DNAJC19: variants seen among roughly 807,000 people sequenced by gnomAD.
DNAJC19 encodes the protein mitochondrial import inner membrane translocase subunit TIM14.
A neutral mutation model predicts 19.8 loss-of-function variants in DNAJC19; 15 were observed. The observed-to-expected ratio is 0.76, with a 90% confidence interval of 0.51 to 1.17. The LOEUF (loss-of-function observed/expected upper bound fraction) is 1.17, where lower values mean the gene tolerates loss of function less well. DNAJC19 is among the 50% of genes most tolerant of loss of function. The probability of loss-of-function intolerance (pLI) is 0.00; values close to 1 mark genes in which losing one functional copy is unlikely to be tolerated. For synonymous variants in DNAJC19, 38 were observed against 42.1 expected, an observed-to-expected ratio of 0.90 and a Z score of 0.38; for missense variants, 105 against 140.9, an observed-to-expected ratio of 0.75 and a Z score of 1.29.
chr3:180,985,949 A>G lies in DNAJC19; in HGVS notation c.257T>C (p.Met86Thr), dbSNP rs372539733. ...GKIRDAHRRI[M>T]LLNHPDKGGS... is the part of the protein sequence containing the mutation. Reference sequence around the variant, plus strand: ...ACCTTTGTCAGGATGATTTAAAAGCATAATTCGTCGATGAGCATCTCTTAT... The same window carrying G: ...ACCTTTGTCAGGATGATTTAAAAGCGTAATTCGTCGATGAGCATCTCTTAT... Residue 86 changes from methionine to threonine, a missense_variant, in exon 5 of 6, where the codon ATG becomes ACG. Met to Thr is a moderately conservative substitution (Grantham distance 81). Transcript: ENST00000382564. The G allele has an allele frequency of 3.1e-6, 5 of 1,613,610 alleles. No homozygotes were observed. The highest frequency in any genetic ancestry group is 1.3e-5 in the African/African-American group (1 of 74,928).
Position 180,988,090 on chromosome 3 carries a change from T to A in DNAJC19, c.62A>T (p.Tyr21Phe), listed in dbSNP as rs752913622. The A allele has an allele frequency of 3.7e-6, 6 of 1,614,198 alleles. No homozygotes were observed. Among genetic ancestry groups the A allele is most frequent in the Non-Finnish European group, 5.1e-6 (6 of 1,180,034 alleles). ...TIAAAGFAGR[Y>F]VLQAMKHMEP... ...CATATGCTTCATGGCTTGCAAAACGTAACGGCCTAAAACCAAAAGCAACAG... is the reference window on the plus strand; with the variant it reads ...CATATGCTTCATGGCTTGCAAAACGAAACGGCCTAAAACCAAAAGCAACAG... The change falls in exon 3 of 6, where the codon TAC becomes TTC. Residue 21 changes from tyrosine (Y) to phenylalanine (F), a missense_variant. Physicochemically the swap from Tyr to Phe is conservative, Grantham distance 22. Transcript: ENST00000382564.
Position 180,989,634 on chromosome 3 carries a change from GA to G in DNAJC19, c.-33del. 1 of 1,584,500 alleles carries G rather than the reference GA, an allele frequency of 6.3e-7. No homozygotes were observed. The highest frequency in any genetic ancestry group is 8.6e-7 in the Non-Finnish European group (1 of 1,166,020). On this transcript the variant is annotated 5_prime_UTR_variant, in exon 1 of 6. Transcript: ENST00000382564. ...GGCTGGGCTCCCTTGCTTCCACCGG[GA>G]GCACGGCTCATCCCAGCTCAGAGGC...
At chr3:180,985,358 C>A in intron 5 of DNAJC19, 1 of 154,348 alleles carries the variant, frequency 6.5e-6, no homozygotes, top group Non-Finnish European at 1.4e-5. Context: ...ATAAAACAAG[C>A]TAAATTTCAT....
In DNAJC19 at chr3:180,986,960, T is replaced by C. The variant is rs1473896211; in HGVS notation, c.192A>G (p.Ala64=). Residue 64 remains alanine, a synonymous_variant, in exon 4 of 6, where the codon GCA becomes GCG. Transcript: ENST00000382564. ...TATTTTACCTTACACCTAGTATTAA[T>C]GCTGCTTCCCGTTTTGTCATTTTGG... The part of the protein sequence containing the change: ...FEPKMTKREA[A]LILGVSPTAN... 1.9e-6 allele frequency: 3 copies of C among 1,613,890 alleles called. No homozygotes were observed. Among genetic ancestry groups the C allele is most frequent in the East Asian group, 4.5e-5 (2 of 44,836 alleles).
chr3:180,988,793 G>C (rs541554924), intron 1 of DNAJC19, among the ~76,000 whole-genome samples: 4 of 151,332 alleles, frequency 2.6e-5, no homozygotes, highest in Non-Finnish European at 4.4e-5. Flanking sequence ...ACTAGGTCGG[G>C]AGATCGAGAC....
chr3:180,987,063 TA>T (rs1560039891), intron 3 of DNAJC19, 41 bp from the exon 4 acceptor site: 1 of 1,572,544 alleles, frequency 6.4e-7, no homozygotes, highest in Non-Finnish European at 8.8e-7. Context: ...GTTAATAAAA[TA>T]AAGTTGCTTT....
At chr3:180,985,848 G>A in intron 5 of DNAJC19, 78 bp downstream of exon 5, 2 of 1,257,936 alleles carry the variant, frequency 1.6e-6, no homozygotes, top group Non-Finnish European at 2.3e-6. Flanking sequence ...CTAATAGCCA[G>A]GAATTTGAGA....
At position 180,984,696 on chromosome 3, in the gene DNAJC19, T is replaced by C. The variant is rs762783413; in HGVS notation, c.295A>G (p.Ile99Val). Residue 99 changes from isoleucine to valine, a missense_variant, in exon 6 of 6, where the codon ATA (isoleucine) becomes GTA (valine). Coordinates refer to ENST00000382564, the MANE Select transcript of DNAJC19 (RefSeq NM_145261.4). ...NHPDKGGSPY[I>V]AAKINEAKDL... ...TTAGCTTCATTGATTTTGGCTGCTA[T>C]ATAAGGAGATCCTCCTATAGGAAGA... The C allele has an allele frequency of 9.3e-6, 15 of 1,607,270 alleles. No homozygotes were observed. The highest frequency in any genetic ancestry group is 6.7e-5 in the Admixed American group (4 of 59,666).
intron 3 of DNAJC19, chr3:180,987,583 T>C (rs770258018): frequency 1.3e-4 from 35 of 278,972 alleles, no homozygotes; most frequent in Non-Finnish European, 2.1e-4. Flanking sequence ...ACAGAGAGTA[T>C]GACCATAACA....
intron 3 of DNAJC19, 160 bp from the exon 4 acceptor site, chr3:180,987,182 A>T (rs1286564509): frequency 3.0e-6 from 2 of 667,418 alleles, no homozygotes; most frequent in African/African-American, 1.8e-5. Context: ...TAAAGTTTAT[A>T]AATAAGTAGC....
rs778458067 is a variant in DNAJC19 at position 180,985,949 on chromosome 3, A to AT, written c.256dup (p.Met86AsnfsTer7). 1 of 1,613,728 alleles carries AT rather than the reference A, an allele frequency of 6.2e-7. No homozygotes were observed. Among genetic ancestry groups the AT allele is most frequent in the Non-Finnish European group, 8.5e-7 (1 of 1,179,862 alleles). ...ACCTTTGTCAGGATGATTTAAAAGC[A>AT]TAATTCGTCGATGAGCATCTCTTAT... On this transcript the variant is annotated frameshift_variant, in exon 5 of 6. Coordinates refer to ENST00000382564, the MANE Select transcript of DNAJC19 (RefSeq NM_145261.4). LOFTEE classifies it high-confidence loss of function.
At chr3:180,984,731 G>C (rs1303458975) in intron 5 of DNAJC19, 21 bp from the exon 6 acceptor site, 2 of 1,554,110 alleles carry the variant, frequency 1.3e-6, no homozygotes, top group African/African-American at 1.4e-5. Context: ...AAAGAAAAAA[G>C]AACAGTTACA....
Position 180,986,740 on chromosome 3 carries a change from C to T in DNAJC19, c.209+203G>A, listed in dbSNP as rs1456016993. On this transcript the variant is annotated intron_variant, in intron 4 of 5. Transcript: ENST00000382564. Reference sequence around the variant, plus strand: ...GAAAAAGTGCTTAAGTGCTAGTGTGCCTTCTCATTTGAAGGATTGTTTACA... The same window carrying T: ...GAAAAAGTGCTTAAGTGCTAGTGTGTCTTCTCATTTGAAGGATTGTTTACA... 3 of 575,026 alleles carry T rather than the reference C, an allele frequency of 5.2e-6. No individual in the cohort carries two copies. The East Asian group carries it at 8.6e-5, about 17-fold the overall frequency. 35.6% of individuals were successfully genotyped at this position (575,026 alleles called of 1,614,324 possible).
chr3:180,987,228 AT>A (rs1420433483), intron 3 of DNAJC19: 9 of 587,086 alleles, frequency 1.5e-5, no homozygotes, highest in Admixed American at 3.0e-5. Context: ...AAACAGATTC[AT>A]TTTTTTCCAG....
chr3:180,988,683 T>C (rs1412476218), intron 1 of DNAJC19, among the ~76,000 whole-genome samples: 1 of 151,858 alleles, frequency 6.6e-6, no homozygotes, highest in Non-Finnish European at 1.5e-5. Context: ...ACCAGACAAA[T>C]TAAGTCACAT....
In DNAJC19 at chr3:180,984,333, G is replaced by C; in HGVS notation, c.*307C>G. The C allele has an allele frequency of 2.1e-6, 1 of 466,726 alleles. No individual in the cohort carries two copies. The highest frequency in any genetic ancestry group is 4.3e-6 in the Non-Finnish European group (1 of 235,080). The allele number at this position is 466,726 out of a possible 1,614,324, so 28.9% of individuals were successfully genotyped here. ...TCCCATTAAAGTGGGGGCTCCCTGAGAGCAAGGACTGTCATCTTCACTTTG... is the reference window on the plus strand; with the variant it reads ...TCCCATTAAAGTGGGGGCTCCCTGACAGCAAGGACTGTCATCTTCACTTTG... On this transcript the variant is annotated 3_prime_UTR_variant, in exon 6 of 6. Coordinates refer to ENST00000382564, the MANE Select transcript of DNAJC19 (RefSeq NM_145261.4).
chr3:180,983,799 A>C lies in DNAJC19; in HGVS notation c.*841T>G, dbSNP rs1028793894. ...TGATATTGAGAACATTTCAGTTTTC[A>C]GTTTTGCTAACAGGGTTTAAGCTTA... On this transcript the variant is annotated 3_prime_UTR_variant, in exon 6 of 6. Coordinates refer to ENST00000382564, the MANE Select transcript of DNAJC19 (RefSeq NM_145261.4). The C allele has an allele frequency of 4.6e-5, 21 of 453,820 alleles. No individual in the cohort carries two copies. The Admixed American group carries it at 4.7e-4, about 10-fold the overall frequency. The allele number at this position is 453,820 out of a possible 1,614,324, so 28.1% of individuals were successfully genotyped here.
In DNAJC19 at chr3:180,989,664, GGCCAACACCT is replaced by G; in HGVS notation, c.-72_-63del. The G allele has an allele frequency of 6.4e-7, 1 of 1,565,652 alleles. No homozygotes were observed. The highest frequency in any genetic ancestry group is 1.2e-5 in the South Asian group (1 of 85,078). ...CGGCTCATCCCAGCTCAGAGGCCGC[GGCCAACACCT>G]GCACGCCTTTACCAGAGAGCGACGC... On this transcript the variant is annotated 5_prime_UTR_variant, in exon 1 of 6. Coordinates refer to ENST00000382564, the MANE Select transcript of DNAJC19 (RefSeq NM_145261.4).
At position 180,988,242 on chromosome 3, in the gene DNAJC19, A is replaced by G. The variant is rs1200980471; in HGVS notation, c.4-13T>C. 1 of 1,613,968 alleles carries G rather than the reference A, an allele frequency of 6.2e-7. No homozygotes were observed. The highest frequency in any genetic ancestry group is 1.7e-5 in the Admixed American group (1 of 59,998). ...CCACTGTACTGGCCTGGTAAGGGGGAGAAGAGTAAATATTTACTTCTCTAA... is the reference window on the plus strand; with the variant it reads ...CCACTGTACTGGCCTGGTAAGGGGGGGAAGAGTAAATATTTACTTCTCTAA... On this transcript the variant is annotated splice_polypyrimidine_tract_variant and intron_variant, in intron 1 of 5. Coordinates refer to ENST00000382564, the MANE Select transcript of DNAJC19 (RefSeq NM_145261.4).
Sources: allele counts gnomAD v4.1 joint callset (sites outside exome capture counted in the v4.1 genomes callset), GRCh38; gene constraint gnomAD v4.1.1; transcripts MANE v1.5; gene names NCBI Gene and HGNC (gene_info 2026-07-23, HGNC 2026-07-21).